Variants in DLGAP1 observed in about 807,000 individuals in gnomAD.
DLGAP1 encodes the protein disks large-associated protein 1.
Under a neutral mutation model 90.8 loss-of-function variants are expected in DLGAP1, and 11 were observed. That is an observed-to-expected ratio of 0.12 (90% CI 0.08 to 0.20). The LOEUF (loss-of-function observed/expected upper bound fraction) is 0.20. Among genes scored for constraint, DLGAP1 ranks in the 10% least tolerant of loss-of-function variants. The pLI, the probability that DLGAP1 is intolerant of heterozygous loss-of-function variation, is 1.00. For synonymous variants in DLGAP1, 558 were observed against 540.7 expected (o/e 1.03, Z -0.44); for missense variants, 1,050 against 1,333.8 (o/e 0.79, Z 3.31).
rs1338837074 is a variant in DLGAP1 at position 3,653,619 on chromosome 18, G to A, written c.1592-71371C>T. 2 of 152,216 alleles carry A rather than the reference G, an allele frequency of 1.3e-5. No homozygotes were observed. The highest frequency in any genetic ancestry group is 2.9e-5 in the Non-Finnish European group (2 of 68,052). The allele number at this position is 152,216 out of a possible 1,614,324, so 9.4% of individuals were successfully genotyped here. A position where few individuals can be genotyped will look rare whatever the true frequency, so the allele number is the denominator to read the frequency against. The stretch of plus-strand genomic sequence containing the variant: ...CAAAACTGCCTGCCATAGACACTTG[G>A]TAGGGAGTGGCAAATGGAATCTTGG... On this transcript the variant is annotated intron_variant, in intron 7 of 12. Transcript: ENST00000315677. This position sits in a 1 kb window ranked among gnomAD's most constrained non-coding sequence, Gnocchi z 4.6.
chr18:3,584,047 C>A (rs2055731067), intron 7 of DLGAP1, among the ~76,000 whole-genome samples: 1 of 152,124 alleles, frequency 6.6e-6, no homozygotes, highest in Admixed American at 6.5e-5. Context: ...GCAGCCTCAG[C>A]CCCTCCCTCT....
intron 5 of DLGAP1, among the ~76,000 whole-genome samples, chr18:3,797,918 C>T (rs1004432134): frequency 6.6e-6 from 1 of 152,154 alleles, no homozygotes; most frequent in Middle Eastern, 3.2e-3. Context: ...TTCCCCCATA[C>T]TGTTCTTGTC....
At chr18:4,092,520 G>A (rs1273066008) in intron 2 of DLGAP1, among the ~76,000 whole-genome samples, 1 of 134,072 alleles carries the variant, frequency 7.5e-6, no homozygotes, top group South Asian at 2.4e-4. Flanking sequence ...ATTGGTGTAG[G>A]ATCTCGGACT....
chr18:4,007,306 A>C (rs146313685), intron 2 of DLGAP1, among the ~76,000 whole-genome samples: 1 of 152,082 alleles, frequency 6.6e-6, no homozygotes, highest in Non-Finnish European at 1.5e-5. Flanking sequence ...TTAAGGGAGC[A>C]TTTGAGTTCC....
intron 5 of DLGAP1, among the ~76,000 whole-genome samples, chr18:3,778,664 C>T (rs1003150781): frequency 2.0e-5 from 3 of 152,064 alleles, no homozygotes; most frequent in African/African-American, 7.2e-5. Context: ...TTAAGAAGCA[C>T]CAGAGTGGAT....
intron 1 of DLGAP1, among the ~76,000 whole-genome samples, chr18:4,212,392 G>A (rs527743669): frequency 7.2e-5 from 11 of 152,022 alleles, no homozygotes; most frequent in East Asian, 5.8e-4. Context: ...TTAAAAGGGC[G>A]CACTGGCTCA....
At chr18:4,023,734 A>T (rs1163577763) in intron 2 of DLGAP1, among the ~76,000 whole-genome samples, 1 of 152,224 alleles carries the variant, frequency 6.6e-6, no homozygotes, top group Non-Finnish European at 1.5e-5. Context: ...CTAGTTCAAC[A>T]ACACGCTTTT....
chr18:3,516,923 G>A (rs2050877882), intron 10 of DLGAP1, among the ~76,000 whole-genome samples: 1 of 152,166 alleles, frequency 6.6e-6, no homozygotes, highest in Admixed American at 6.5e-5. Context: ...CATGTTTGCA[G>A]GCATGAAAAC....
chr18:4,109,869 A>C (rs886607312), intron 2 of DLGAP1, among the ~76,000 whole-genome samples: 1 of 151,584 alleles, frequency 6.6e-6, no homozygotes, highest in Non-Finnish European at 1.5e-5. Context: ...TTCCTTTTCT[A>C]GGTGTTTTTT....
At chr18:3,566,740 C>G (rs1279758028) in intron 9 of DLGAP1, among the ~76,000 whole-genome samples, 1 of 152,120 alleles carries the variant, frequency 6.6e-6, no homozygotes, top group Non-Finnish European at 1.5e-5. Flanking sequence ...CTCACCGTAA[C>G]TCCAGTTTTA....
At chr18:3,979,646 A>G (rs574042793) in intron 3 of DLGAP1, among the ~76,000 whole-genome samples, 2 of 152,244 alleles carry the variant, frequency 1.3e-5, no homozygotes, top group Admixed American at 6.5e-5. Context: ...GTTATCCTGC[A>G]TGGTAACCAC....
At chr18:4,229,012 A>T (rs182375393) in intron 1 of DLGAP1, among the ~76,000 whole-genome samples, 1 of 152,212 alleles carries the variant, frequency 6.6e-6, no homozygotes, top group East Asian at 1.9e-4. Context: ...ATCAACATAA[A>T]GCATCAGTAG....
intron 1 of DLGAP1, among the ~76,000 whole-genome samples, chr18:4,268,761 G>C (rs1004051609): frequency 6.6e-6 from 1 of 152,058 alleles, no homozygotes; most frequent in Non-Finnish European, 1.5e-5. Context: ...TTACTTCAAA[G>C]ATAATAGATT....
chr18:3,990,628 T>TATTATA (rs1555720431), intron 3 of DLGAP1, among the ~76,000 whole-genome samples: 5 of 143,248 alleles, frequency 3.5e-5, no homozygotes, highest in Middle Eastern at 3.6e-3. Flanking sequence ...AAACTTAAAA[T>TATTATA]ATAATAATAA....
intron 1 of DLGAP1, among the ~76,000 whole-genome samples, chr18:4,308,354 T>G (rs1568504755): frequency 6.6e-6 from 1 of 152,292 alleles, no homozygotes; most frequent in East Asian, 1.9e-4. Flanking sequence ...CATAAAAATA[T>G]CTAATAAATA....
chr18:3,543,805 T>C (rs148832440), intron 9 of DLGAP1, among the ~76,000 whole-genome samples: 64 of 152,188 alleles, frequency 4.2e-4, no homozygotes, highest in Non-Finnish European at 7.8e-4. Flanking sequence ...CCCTGACTAA[T>C]GAGACATTGC....
intron 1 of DLGAP1, among the ~76,000 whole-genome samples, chr18:4,370,119 A>G (rs1487873022): frequency 1.3e-5 from 2 of 152,204 alleles, no homozygotes; most frequent in Non-Finnish European, 2.9e-5. Context: ...GTGAGGGGTG[A>G]ATTTGAAAAA....
At chr18:3,730,564 A>AT (rs1477835229) in intron 6 of DLGAP1, among the ~76,000 whole-genome samples, 1 of 152,082 alleles carries the variant, frequency 6.6e-6, no homozygotes, top group East Asian at 1.9e-4. Flanking sequence ...TCTTATCTCT[A>AT]TTTTCCTAAT....
At chr18:3,599,700 A>G (rs1438093722) in intron 7 of DLGAP1, among the ~76,000 whole-genome samples, 2 of 151,816 alleles carry the variant, frequency 1.3e-5, no homozygotes, top group Non-Finnish European at 2.9e-5. Context: ...GCTCACTGCA[A>G]CCTCCACCTC....
Sources: allele counts gnomAD v4.1 joint callset (sites outside exome capture counted in the v4.1 genomes callset), GRCh38; gene constraint gnomAD v4.1.1; non-coding constraint Gnocchi (gnomAD v3.1); transcripts MANE v1.5; gene names NCBI Gene and HGNC (gene_info 2026-07-23, HGNC 2026-07-21).